Variants in GRM5 observed in about 807,000 individuals in gnomAD.
The protein encoded by GRM5 is metabotropic glutamate receptor 5.
GRM5 carries 19 observed loss-of-function variants against 83.1 expected under a neutral mutation model. The ratio of observed to expected loss-of-function variants is 0.23; its 90% CI spans 0.16 to 0.34. The LOEUF (loss-of-function observed/expected upper bound fraction) is 0.34, where lower values mean the gene tolerates loss of function less well. Among genes scored for constraint, GRM5 ranks in the 10% least tolerant of loss-of-function variants. The probability of loss-of-function intolerance (pLI) is 1.00; values close to 1 mark genes in which losing one functional copy is unlikely to be tolerated. For missense variants in GRM5, 1,160 were observed against 1,588.3 expected (o/e 0.73, Z 4.58); for synonymous variants, 675 against 633.6 (o/e 1.07, Z -0.98).
intron 3 of GRM5, among the ~76,000 whole-genome samples, chr11:88,779,083 T>C (rs1055990896): frequency 2.0e-5 from 3 of 152,242 alleles, no homozygotes; most frequent in African/African-American, 7.2e-5. Flanking sequence ...AAGAACCTGA[T>C]GCTCAGAGAG....
chr11:88,998,913 G>T (rs558740813), intron 2 of GRM5, among the ~76,000 whole-genome samples: 1 of 151,982 alleles, frequency 6.6e-6, no homozygotes, highest in Non-Finnish European at 1.5e-5. Flanking sequence ...CATATGGAAA[G>T]GTAAAGGAAC....
At chr11:88,616,416 C>A (rs1591384733) in intron 4 of GRM5, among the ~76,000 whole-genome samples, 5 of 87,654 alleles carry the variant, frequency 5.7e-5, no homozygotes, top group African/African-American at 8.8e-5. Context: ...TTTTTTTTTA[C>A]CAGAGAAACA....
chr11:89,039,259 C>T (rs528383521), intron 2 of GRM5, among the ~76,000 whole-genome samples: 48 of 105,414 alleles, frequency 4.6e-4, no homozygotes, highest in African/African-American at 1.5e-3. Context: ...ACTGAGACTC[C>T]GTTTCAAAAT....
intron 2 of GRM5, among the ~76,000 whole-genome samples, chr11:89,021,761 CAG>C (rs552131551): frequency 6.6e-6 from 1 of 152,162 alleles, no homozygotes; most frequent in Non-Finnish European, 1.5e-5. Flanking sequence ...CTTAAGTTGT[CAG>C]AGTCTCAGTT....
intron 3 of GRM5, among the ~76,000 whole-genome samples, chr11:88,730,010 A>G (rs1177736623): frequency 6.6e-6 from 1 of 152,218 alleles, no homozygotes; most frequent in Non-Finnish European, 1.5e-5. Context: ...CAATGGCAAC[A>G]AAAGCCAAAA....
At position 88,590,631 on chromosome 11, in the gene GRM5, G is replaced by T. The variant is rs201181291; in HGVS notation, c.1660C>A (p.Leu554Met). 5 of 1,610,310 alleles carry T rather than the reference G, an allele frequency of 3.1e-6. No individual in the cohort carries two copies. Among genetic ancestry groups the T allele is most frequent in the Non-Finnish European group, 4.2e-6 (5 of 1,176,682 alleles). ...FDEYTCKACQ[L>M]GSWPTDDLTG... ...AGATCATCAGTGGGCCAAGACCCCA[G>T]TTGGCATGCCTTGCATGTGTACTCA... The change falls in exon 7 of 10, where the codon CTG becomes ATG. Residue 554 changes from leucine to methionine, a missense_variant. This residue lies in a region of GRM5 where 132 missense variants were observed against 245.5 expected (regional missense o/e 0.54). Transcript: ENST00000305447.
chr11:88,547,400 C>T (rs1001315320), intron 8 of GRM5, among the ~76,000 whole-genome samples: 2 of 152,050 alleles, frequency 1.3e-5, no homozygotes, highest in African/African-American at 4.8e-5. Flanking sequence ...CAAAAGTAGA[C>T]AGAACTCAAG....
At chr11:89,035,547 ATTG>A (rs1591066254) in intron 2 of GRM5, among the ~76,000 whole-genome samples, 1 of 151,860 alleles carries the variant, frequency 6.6e-6, no homozygotes, top group African/African-American at 2.4e-5. Context: ...TTATATTTTT[ATTG>A]TTCTTGAGGA....
chr11:88,938,916 TG>T (rs550844937), intron 2 of GRM5, among the ~76,000 whole-genome samples: 9 of 151,794 alleles, frequency 5.9e-5, no homozygotes, highest in Middle Eastern at 3.2e-3. Flanking sequence ...TGTTCCAGGA[TG>T]GATTCTAGTC....
At chr11:88,746,658 T>C (rs1276476432) in intron 3 of GRM5, among the ~76,000 whole-genome samples, 1 of 152,170 alleles carries the variant, frequency 6.6e-6, no homozygotes, top group African/African-American at 2.4e-5. Flanking sequence ...TACTAACTGC[T>C]TATTAAATGA....
chr11:88,701,161 C>T (rs903919130), intron 3 of GRM5, among the ~76,000 whole-genome samples: 2 of 152,130 alleles, frequency 1.3e-5, no homozygotes, highest in African/African-American at 4.8e-5. Context: ...CTGTAGGCTT[C>T]TTGAATGAAG....
At chr11:88,832,373 T>C (rs1281469479) in intron 3 of GRM5, among the ~76,000 whole-genome samples, 1 of 152,034 alleles carries the variant, frequency 6.6e-6, no homozygotes, top group Non-Finnish European at 1.5e-5. Flanking sequence ...CCAATTACAA[T>C]GGCTATTAAA....
At chr11:88,742,694 T>C (rs1399447936) in intron 3 of GRM5, among the ~76,000 whole-genome samples, 1 of 152,160 alleles carries the variant, frequency 6.6e-6, no homozygotes, top group Non-Finnish European at 1.5e-5. Flanking sequence ...CCTATCTTAG[T>C]TTCTCTTTGG....
intron 2 of GRM5, among the ~76,000 whole-genome samples, chr11:88,941,821 C>A (rs371672490): frequency 3.8e-4 from 58 of 152,066 alleles, no homozygotes; most frequent in African/African-American, 1.3e-3. Context: ...AGACATACAA[C>A]ATCACCAATA....
At chr11:88,861,080 AT>A (rs1944554362) in intron 2 of GRM5, among the ~76,000 whole-genome samples, 1 of 152,152 alleles carries the variant, frequency 6.6e-6, no homozygotes, top group African/African-American at 2.4e-5. Flanking sequence ...AATATCATTT[AT>A]TTTTACTTTT....
chr11:89,016,411 T>C (rs1386282935), intron 2 of GRM5, among the ~76,000 whole-genome samples: 2 of 151,948 alleles, frequency 1.3e-5, no homozygotes, highest in African/African-American at 2.4e-5. Flanking sequence ...TGCTGACATG[T>C]CTTTATATAA....
At chr11:88,959,206 T>A (rs1280863128) in intron 2 of GRM5, among the ~76,000 whole-genome samples, 2 of 152,106 alleles carry the variant, frequency 1.3e-5, no homozygotes, top group Admixed American at 6.5e-5. Context: ...CAATTGGAAG[T>A]GTAAACAATT....
chr11:89,044,576 T>A (rs1203983223), intron 2 of GRM5, among the ~76,000 whole-genome samples: 2 of 152,114 alleles, frequency 1.3e-5, no homozygotes, highest in African/African-American at 4.8e-5. Flanking sequence ...GGAGAAAAAA[T>A]GTTTTTTGAA....
chr11:89,008,530 A>G (rs1441733985), intron 2 of GRM5, among the ~76,000 whole-genome samples: 3 of 152,132 alleles, frequency 2.0e-5, no homozygotes, highest in Non-Finnish European at 2.9e-5. Context: ...TGATAATAGT[A>G]TATATATCCA....
Sources: allele counts gnomAD v4.1 joint callset (sites outside exome capture counted in the v4.1 genomes callset), GRCh38; gene constraint gnomAD v4.1.1; regional missense constraint gnomAD v4.1.1; transcripts MANE v1.5; gene names NCBI Gene and HGNC (gene_info 2026-07-23, HGNC 2026-07-21).